PDE1A: variants seen among roughly 807,000 people sequenced by gnomAD.
PDE1A encodes the protein phosphodiesterase 1A.
Under a neutral mutation model 61.7 loss-of-function variants are expected in PDE1A, and 35 were observed. The ratio of observed to expected loss-of-function variants is 0.57; its 90% CI spans 0.43 to 0.75. The LOEUF is 0.75. Ranked by LOEUF, PDE1A falls within the 30% of genes least tolerant of loss-of-function variation. The pLI is 0.00. For synonymous variants in PDE1A, 232 were observed against 213.2 expected, an observed-to-expected ratio of 1.09 and a Z score of -0.77; for missense variants, 597 against 630.6, an observed-to-expected ratio of 0.95 and a Z score of 0.57.
At chr2:182,165,099 T>C (rs886408820), downstream of PDE1A, among the ~76,000 whole-genome samples, 1 of 152,098 alleles carries the variant, frequency 6.6e-6, no homozygotes, top group African/African-American at 2.4e-5. Context: ...CTCCAGAAGG[T>C]TGTATATGTT....
chr2:182,609,939 T>G, the PDE1A span, among the ~76,000 whole-genome samples: 1 of 152,194 alleles, frequency 6.6e-6, no homozygotes, highest in Non-Finnish European at 1.5e-5. Context: ...AATACAAAAA[T>G]TAGCTGGGTC....
intron 1 of PDE1A, among the ~76,000 whole-genome samples, chr2:182,393,011 T>C (rs1416693105): frequency 2.0e-5 from 3 of 152,246 alleles, no homozygotes; most frequent in Non-Finnish European, 4.4e-5. Flanking sequence ...ACAGTAGCCT[T>C]CTTCTCACAG....
downstream of PDE1A, among the ~76,000 whole-genome samples, chr2:182,143,511 A>T (rs1245445348): frequency 6.6e-6 from 1 of 151,746 alleles, no homozygotes; most frequent in Non-Finnish European, 1.5e-5. Flanking sequence ...TAATTAATTT[A>T]TTTTATTTTA....
At chr2:182,336,960 CTTTTTTT>C (rs71008221) in intron 1 of PDE1A, among the ~76,000 whole-genome samples, 6,289 of 146,146 alleles carry the variant, frequency 0.043, 208 homozygotes, top group Middle Eastern at 0.099. Flanking sequence ...ACATGTATCC[CTTTTTTT>C]TTTTTTTTTA....
chr2:182,483,577 G>A (rs73042483), intron 2 of PDE1A, among the ~76,000 whole-genome samples: 10,653 of 151,708 alleles, frequency 0.07, 1,201 homozygotes, highest in African/African-American at 0.24. Context: ...GAGTTATAAT[G>A]GAAATTAGAA....
chr2:182,199,666 C>T (rs1042220666), intron 10 of PDE1A, among the ~76,000 whole-genome samples: 1 of 151,980 alleles, frequency 6.6e-6, no homozygotes, highest in African/African-American at 2.4e-5. Context: ...TTTAATTGAC[C>T]ATAATAAGCA....
chr2:182,377,392 C>T (rs1341193282), intron 1 of PDE1A, among the ~76,000 whole-genome samples: 1 of 152,152 alleles, frequency 6.6e-6, no homozygotes, highest in Non-Finnish European at 1.5e-5. Flanking sequence ...ATTCCTGAGG[C>T]CTCCTCAGAA....
intron 2 of PDE1A, among the ~76,000 whole-genome samples, chr2:182,454,106 C>T (rs566130973): frequency 3.3e-5 from 5 of 152,236 alleles, no homozygotes; most frequent in South Asian, 2.1e-4. Context: ...AAATCACAAG[C>T]ATTCTTATAC....
intron 1 of PDE1A, among the ~76,000 whole-genome samples, chr2:182,395,765 C>T (rs965822036): frequency 4.6e-5 from 7 of 152,168 alleles, no homozygotes; most frequent in African/African-American, 9.7e-5. Flanking sequence ...TTGGAAGGCC[C>T]CCATAGGTGA....
intron 1 of PDE1A, among the ~76,000 whole-genome samples, chr2:182,381,902 T>G (rs1210975573): frequency 6.6e-6 from 1 of 152,028 alleles, no homozygotes; most frequent in Admixed American, 6.5e-5. Context: ...AATTTTTATT[T>G]TATTCTTACT....
At chr2:182,394,957 A>T (rs1008236630) in intron 1 of PDE1A, among the ~76,000 whole-genome samples, 6 of 152,218 alleles carry the variant, frequency 3.9e-5, no homozygotes, top group Non-Finnish European at 8.8e-5. Context: ...GGTGATTTCC[A>T]TAACATCCAT....
At chr2:182,364,254 C>T (rs1015545763) in intron 1 of PDE1A, among the ~76,000 whole-genome samples, 2 of 151,712 alleles carry the variant, frequency 1.3e-5, no homozygotes. Context: ...GCATATTAAG[C>T]AAGTGCTTTA....
intron 1 of PDE1A, among the ~76,000 whole-genome samples, chr2:182,356,608 G>T (rs561630755): frequency 6.6e-6 from 1 of 151,740 alleles, no homozygotes; most frequent in Non-Finnish European, 1.5e-5. Context: ...AAATTAGTGG[G>T]GTGTGGTCCC....
rs1332109425 is a variant in PDE1A at position 182,246,411 on chromosome 2, T to C, written c.168-6119A>G. ...TCTTTTTTCTTTTTTCTTTCTTTTT[T>C]TTTTTTTTTTTTGACAGAGTCTTGC... is the stretch of plus-strand genomic sequence containing the variant. On this transcript the variant is annotated intron_variant, in intron 2 of 13. Coordinates refer to ENST00000351439, the Ensembl canonical transcript of PDE1A. Among the ~76,000 whole-genome samples, 9 of 144,214 alleles carry C rather than the reference T, an allele frequency of 6.2e-5. 1 individual carries two copies. Among genetic ancestry groups the C allele is most frequent in the East Asian group, 4.0e-4 (2 of 5,002 alleles). The allele number at this position is 144,214 out of a possible 152,430, so 94.6% of individuals were successfully genotyped here.
chr2:182,501,596 T>C (rs1689085336), intron 2 of PDE1A, among the ~76,000 whole-genome samples: 1 of 152,238 alleles, frequency 6.6e-6, no homozygotes, highest in Non-Finnish European at 1.5e-5. Context: ...TTTCACAAAT[T>C]ATATTTCTTG....
rs142886872 is a variant in PDE1A at position 182,361,432 on chromosome 2, C to T, written c.53+65146G>A. ...TTTTTTCCCCAAAGGATTTGTAAATCTAAACATGAGAGTTGTATTTAGATG... is the reference window on the plus strand; with the variant it reads ...TTTTTTCCCCAAAGGATTTGTAAATTTAAACATGAGAGTTGTATTTAGATG... On this transcript the variant is annotated intron_variant, in intron 1 of 13. Transcript: ENST00000351439. Among the ~76,000 whole-genome samples the T allele has an allele frequency of 2.9e-3, 443 of 152,084 alleles. 3 individuals are homozygous for T. Among genetic ancestry groups the T allele is most frequent in the African/African-American group, 0.01 (423 of 41,518 alleles).
At chr2:182,338,123 C>A (rs540821427) in intron 1 of PDE1A, among the ~76,000 whole-genome samples, 16 of 152,294 alleles carry the variant, frequency 1.1e-4, no homozygotes, top group Non-Finnish European at 1.8e-4. Context: ...AGATGCATGA[C>A]ACTTTGGATC....
intron 1 of PDE1A, among the ~76,000 whole-genome samples, chr2:182,391,339 T>C (rs1701409518): frequency 6.6e-6 from 1 of 152,058 alleles, no homozygotes; most frequent in Non-Finnish European, 1.5e-5. Context: ...AACGTTCTAA[T>C]AGTTTATTTG....
the PDE1A span, among the ~76,000 whole-genome samples, chr2:182,559,699 T>A: frequency 3.3e-5 from 5 of 152,286 alleles, no homozygotes; most frequent in South Asian, 1.0e-3. Context: ...ATACCATTAT[T>A]CAAATAGCAT....
Sources: allele counts gnomAD v4.1 joint callset (sites outside exome capture counted in the v4.1 genomes callset), GRCh38; gene constraint gnomAD v4.1.1; transcripts MANE v1.5; gene names NCBI Gene and HGNC (gene_info 2026-07-23, HGNC 2026-07-21).